The following CYLD variants were observed in gnomAD, a reference collection of about 807,000 sequenced individuals.
CYLD encodes ubiquitin carboxyl-terminal hydrolase CYLD.
A neutral mutation model predicts 104.5 loss-of-function variants in CYLD; 26 were observed. That is an observed-to-expected ratio of 0.25 (90% CI 0.18 to 0.35). The LOEUF is 0.35. Ranked by LOEUF, CYLD falls within the 10% of genes least tolerant of loss-of-function variation. The pLI, the probability that CYLD is intolerant of heterozygous loss-of-function variation, is 1.00. For missense variants in CYLD, 703 were observed against 1,136.1 expected, an observed-to-expected ratio of 0.62 and a Z score of 5.48; for synonymous variants, 385 against 399.9, an observed-to-expected ratio of 0.96 and a Z score of 0.45.
In CYLD at chr16:50,794,541, A is replaced by T; in HGVS notation, c.2686+113A>T. ...TATTTTCTGAGAAAATCCTTTCAGG[A>T]TTATTCTGGTGACAACAGTCTTATA... On this transcript the variant is annotated intron_variant, in intron 18 of 18. Coordinates refer to ENST00000427738, the MANE Select transcript of CYLD (RefSeq NM_001378743.1). The surrounding 1 kb of genome is among the most constrained non-coding windows in gnomAD (Gnocchi z 4.1). 3.9e-6 allele frequency: 4 copies of T among 1,034,124 alleles called. No homozygotes were observed. The highest frequency in any genetic ancestry group is 6.0e-6 in the Non-Finnish European group (4 of 663,122). 64.1% of individuals were successfully genotyped at this position (1,034,124 alleles called of 1,614,324 possible).
At chr16:50,760,832 A>G (rs1333254085) in intron 5 of CYLD, among the ~76,000 whole-genome samples, 1 of 152,170 alleles carries the variant, frequency 6.6e-6, no homozygotes, top group Non-Finnish European at 1.5e-5. Context: ...TGCTTGATGA[A>G]AGGGCGTATG....
intron 11 of CYLD, chr16:50,783,731 G>A (rs1265285039): frequency 6.5e-6 from 1 of 153,402 alleles, no homozygotes; most frequent in Non-Finnish European, 1.5e-5. Context: ...TAGAGACGGG[G>A]TTTCACCATA....
Position 50,794,848 on chromosome 16 carries a change from T to C in CYLD, c.2686+420T>C. The stretch of plus-strand genomic sequence containing the variant: ...GTTGCCCAAGCTGGTCTCAAATTCC[T>C]GGCCTCAAGTGATTAACCCTCCTTT... On this transcript the variant is annotated intron_variant, in intron 18 of 18. Transcript: ENST00000427738. This position sits in a 1 kb window ranked among gnomAD's most constrained non-coding sequence, Gnocchi z 4.1. 1 of 276,026 alleles carries C rather than the reference T, an allele frequency of 3.6e-6. No homozygotes were observed. Among genetic ancestry groups the C allele is most frequent in the South Asian group, 3.8e-5 (1 of 26,568 alleles). The allele number at this position is 276,026 out of a possible 1,614,324, so 17.1% of individuals were successfully genotyped here. A position where few individuals can be genotyped will look rare whatever the true frequency, so the allele number is the denominator to read the frequency against.
chr16:50,779,877 A>G lies in CYLD; in HGVS notation c.1351A>G (p.Thr451Ala). 6.2e-7 allele frequency: 1 copy of G among 1,614,016 alleles called. No homozygotes were observed. The highest frequency in any genetic ancestry group is 2.2e-5 in the East Asian group (1 of 44,874). ...CCAGTCTGTAATGGAAGAGCTAAACACTGCACCCGTCCAAGAGAGTCCACC... is the reference window on the plus strand; with the variant it reads ...CCAGTCTGTAATGGAAGAGCTAAACGCTGCACCCGTCCAAGAGAGTCCACC... ...SAQSVMEELN[T>A]APVQESPPLA... Residue 451 changes from threonine (T) to alanine (A), a missense_variant, in exon 9 of 19, where the codon ACT (threonine) becomes GCT (alanine). Thr to Ala is a moderately conservative substitution (Grantham distance 58). Around this residue, in one of 5 missense-constraint regions of CYLD, gnomAD observed 183 missense variants for 212.1 expected, o/e 0.86. Transcript: ENST00000427738.
chr16:50,789,732 T>TA (rs556393751), intron 14 of CYLD, among the ~76,000 whole-genome samples: 5 of 152,004 alleles, frequency 3.3e-5, no homozygotes, highest in African/African-American at 4.8e-5. Flanking sequence ...ATAAGTACCT[T>TA]AAAAAAAATC....
At position 50,750,072 on chromosome 16, in the gene CYLD, T is replaced by C; in HGVS notation, c.374T>C (p.Ile125Thr). ...AACAGACTAAGTAAAGGCCTCCAAA[T>C]AGACGTGGGCTGTCCTGTGAAAGTA... ...NRNRLSKGLQ[I>T]DVGCPVKVQL... Residue 125 changes from isoleucine (I) to threonine (T), a missense_variant, in exon 3 of 19, where the codon ATA becomes ACA. By Grantham distance (89) the Ile-to-Thr change is moderately conservative. This residue lies in a region of CYLD where 142 missense variants were observed against 165.1 expected (regional missense o/e 0.86). Transcript: ENST00000427738. 1 of 1,614,152 alleles carries C rather than the reference T, an allele frequency of 6.2e-7. No homozygotes were observed.
chr16:50,797,566 A>G lies in CYLD; in HGVS notation c.*1058A>G. 4.3e-6 allele frequency: 1 copy of G among 232,544 alleles called. No homozygotes were observed. 14.4% of individuals were successfully genotyped at this position (232,544 alleles called of 1,614,324 possible). On this transcript the variant is annotated 3_prime_UTR_variant, in exon 19 of 19. Coordinates refer to ENST00000427738, the MANE Select transcript of CYLD (RefSeq NM_001378743.1). Reference sequence around the variant, plus strand: ...TCTGATTAAAGTAAGTAGAAATGGGATGTTTTGTTTAATAACAGCCATAGT... The same window carrying G: ...TCTGATTAAAGTAAGTAGAAATGGGGTGTTTTGTTTAATAACAGCCATAGT...
Position 50,777,949 on chromosome 16 carries a change from G to T in CYLD, c.1138+8G>T, listed in dbSNP as rs1161909267. 1 of 1,387,186 alleles carries T rather than the reference G, an allele frequency of 7.2e-7. No homozygotes were observed. Among genetic ancestry groups the T allele is most frequent in the East Asian group, 2.3e-5 (1 of 43,608 alleles). 85.9% of individuals were successfully genotyped at this position (1,387,186 alleles called of 1,614,324 possible). A position where few individuals can be genotyped will look rare whatever the true frequency, so the allele number is the denominator to read the frequency against. ...CATGGTACATTGATGAAGGTAATCA[G>T]TAATTTTAGTGTTCTTTATAATGAT... On this transcript the variant is annotated splice_region_variant and intron_variant, in intron 8 of 18. Coordinates refer to ENST00000427738, the MANE Select transcript of CYLD (RefSeq NM_001378743.1).
Position 50,751,592 on chromosome 16 carries a change from C to G in CYLD, c.505-12C>G, listed in dbSNP as rs1350588665. 6.2e-7 allele frequency: 1 copy of G among 1,613,036 alleles called. No individual in the cohort carries two copies. The highest frequency in any genetic ancestry group is 2.2e-5 in the East Asian group (1 of 44,862). On this transcript the variant is annotated splice_polypyrimidine_tract_variant and intron_variant, in intron 3 of 18. Transcript: ENST00000427738. ...CTATATCTATTTCTTTCCCTTCTCT[C>G]TTAAAAACTAGGAAGAAGGTCGTGG...
chr16:50,782,539 T>C lies in CYLD; in HGVS notation c.1826+73T>C. 3 of 1,482,886 alleles carry C rather than the reference T, an allele frequency of 2.0e-6. No homozygotes were observed. In the Admixed American group the frequency reaches 5.1e-5, roughly 25 times the overall value. The allele number at this position is 1,482,886 out of a possible 1,614,324, so 91.9% of individuals were successfully genotyped here. A position where few individuals can be genotyped will look rare whatever the true frequency, so the allele number is the denominator to read the frequency against. ...GGACACATACCGGTGTGTGTGTGTG[T>C]GTGCGTGTGAGTGTGTGTGAAAGAA... On this transcript the variant is annotated intron_variant, in intron 11 of 18. Transcript: ENST00000427738.
chr16:50,751,577 T>G (rs1169621351), intron 3 of CYLD, 27 bp from the exon 4 acceptor site: 1 of 1,610,458 alleles, frequency 6.2e-7, no homozygotes, highest in South Asian at 1.1e-5. Context: ...CTATATCTAT[T>G]TCTTTCCCTT....
chr16:50,796,515 T>C lies in CYLD; in HGVS notation c.*7T>C, dbSNP rs546095170. Reference sequence around the variant, plus strand: ...AATGAGTTTGTACAAATAACTGGGGTCATCGGGAAAGGCAAAGAAACTGAA... The same window carrying C: ...AATGAGTTTGTACAAATAACTGGGGCCATCGGGAAAGGCAAAGAAACTGAA... On this transcript the variant is annotated 3_prime_UTR_variant, in exon 19 of 19. Coordinates refer to ENST00000427738, the MANE Select transcript of CYLD (RefSeq NM_001378743.1). The C allele has an allele frequency of 3.7e-6, 6 of 1,612,258 alleles. No homozygotes were observed. The African/African-American group carries it at 8.0e-5, about 22-fold the overall frequency.
chr16:50,786,605 CA>C (rs1970852074), intron 12 of CYLD: 1 of 385,842 alleles, frequency 2.6e-6, no homozygotes, highest in African/African-American at 2.1e-5. Context: ...ACTAAAAATA[CA>C]AAAATTAGCT....
Position 50,797,441 on chromosome 16 carries a change from A to C in CYLD, c.*933A>C, listed in dbSNP as rs994598131. The C allele has an allele frequency of 4.3e-6, 1 of 232,220 alleles. No individual in the cohort carries two copies. Among genetic ancestry groups the C allele is most frequent in the African/African-American group, 2.2e-5 (1 of 45,318 alleles). The allele number at this position is 232,220 out of a possible 1,614,324, so 14.4% of individuals were successfully genotyped here. On this transcript the variant is annotated 3_prime_UTR_variant, in exon 19 of 19. Transcript: ENST00000427738. ...TTTTAGACAAGACTGTCTAGAACTTAAGTTTGATCTGTCAGCCAGTACTCC... is the reference window on the plus strand; with the variant it reads ...TTTTAGACAAGACTGTCTAGAACTTCAGTTTGATCTGTCAGCCAGTACTCC...
chr16:50,772,552 A>G lies in CYLD; in HGVS notation c.914-2614A>G, dbSNP rs564394774. 1.6e-4 allele frequency among the ~76,000 whole-genome samples: 24 copies of G among 152,314 alleles called. No homozygotes were observed. The South Asian group carries it at 2.5e-3, about 16-fold the overall frequency. ...GGTCTTTTGTTTAAATCATTGAATT[A>G]TATTTCATTTTATGCATGTACCATA... On this transcript the variant is annotated intron_variant, in intron 5 of 18. Transcript: ENST00000427738.
intron 5 of CYLD, among the ~76,000 whole-genome samples, chr16:50,772,430 C>T (rs996635041): frequency 1.3e-5 from 2 of 152,186 alleles, no homozygotes; most frequent in African/African-American, 4.8e-5. Context: ...GGAAGTACAT[C>T]TACTTTATCT....
chr16:50,779,299 C>T (rs751379193), intron 8 of CYLD, among the ~76,000 whole-genome samples: 6 of 151,962 alleles, frequency 3.9e-5, no homozygotes, highest in Admixed American at 6.6e-5. Context: ...ATTGTTAAAA[C>T]GTATTATTTC....
chr16:50,753,458 T>C (rs1966787390), intron 4 of CYLD, among the ~76,000 whole-genome samples: 1 of 152,164 alleles, frequency 6.6e-6, no homozygotes, highest in Admixed American at 6.5e-5. Context: ...GTCAGCTTGT[T>C]TACCTGAGGC....
At chr16:50,763,775 T>G (rs755832249) in intron 5 of CYLD, among the ~76,000 whole-genome samples, 40 of 152,174 alleles carry the variant, frequency 2.6e-4, no homozygotes, top group Admixed American at 5.2e-4. Flanking sequence ...AAATACAATA[T>G]TGAATAGAAG....
Sources: allele counts gnomAD v4.1 joint callset (sites outside exome capture counted in the v4.1 genomes callset), GRCh38; gene constraint gnomAD v4.1.1; regional missense constraint gnomAD v4.1.1; non-coding constraint Gnocchi (gnomAD v3.1); transcripts MANE v1.5; gene names NCBI Gene and HGNC (gene_info 2026-07-23, HGNC 2026-07-21).